Variants in TCF7L2 observed in about 807,000 individuals in gnomAD.
TCF7L2 encodes transcription factor 7-like 2.
Under a neutral mutation model 77.9 loss-of-function variants are expected in TCF7L2, and 23 were observed. The ratio of observed to expected loss-of-function variants is 0.30; its 90% CI spans 0.21 to 0.42. The LOEUF is 0.42. Ranked by LOEUF, TCF7L2 falls within the 10% of genes least tolerant of loss-of-function variation. The pLI is 1.00. For synonymous variants in TCF7L2, 413 were observed against 340.2 expected, an observed-to-expected ratio of 1.21 and a Z score of -2.36; for missense variants, 654 against 793.1, an observed-to-expected ratio of 0.82 and a Z score of 2.11.
intron 4 of TCF7L2, among the ~76,000 whole-genome samples, chr10:112,969,595 G>C (rs1433081560): frequency 6.6e-6 from 1 of 152,228 alleles, no homozygotes; most frequent in Non-Finnish European, 1.5e-5. Flanking sequence ...TATTGTCATT[G>C]CAACAGGGCC....
At chr10:113,162,524 C>T (rs1289739821) in intron 13 of TCF7L2, among the ~76,000 whole-genome samples, 3 of 152,052 alleles carry the variant, frequency 2.0e-5, no homozygotes, top group Non-Finnish European at 4.4e-5. Context: ...ATCTGCCAAC[C>T]GAAAACCTTT....
chr10:113,035,420 G>A (rs760153042), intron 4 of TCF7L2, among the ~76,000 whole-genome samples: 4 of 152,096 alleles, frequency 2.6e-5, no homozygotes, highest in Non-Finnish European at 5.9e-5. Flanking sequence ...GCTTTTTTCT[G>A]GCCAGTGAGT....
intron 5 of TCF7L2, among the ~76,000 whole-genome samples, chr10:113,087,301 C>A (rs1303357472): frequency 6.6e-6 from 1 of 152,238 alleles, no homozygotes; most frequent in Non-Finnish European, 1.5e-5. Flanking sequence ...GGATACATTT[C>A]TTTCCCAACG....
intron 13 of TCF7L2, among the ~76,000 whole-genome samples, chr10:113,162,421 C>G (rs1007396024): frequency 3.3e-5 from 5 of 152,012 alleles, no homozygotes; most frequent in Non-Finnish European, 5.9e-5. Flanking sequence ...CCCAAACATG[C>G]ATCCCCCATT....
intron 5 of TCF7L2, among the ~76,000 whole-genome samples, chr10:113,102,137 AAAAAAGTG>A (rs2061731725): frequency 6.7e-6 from 1 of 148,854 alleles, no homozygotes; most frequent in African/African-American, 2.5e-5. Flanking sequence ...AAAAAAAAAA[AAAAAAGTG>A]AGAAAGAATG....
intron 4 of TCF7L2, among the ~76,000 whole-genome samples, chr10:113,008,330 G>A (rs142712682): frequency 2.6e-5 from 4 of 152,214 alleles, no homozygotes; most frequent in African/African-American, 9.6e-5. Flanking sequence ...CCTGGTCAGT[G>A]TCCAGCATCG....
At chr10:113,138,436 C>T (rs1412490153) in intron 5 of TCF7L2, among the ~76,000 whole-genome samples, 1 of 152,096 alleles carries the variant, frequency 6.6e-6, no homozygotes, top group African/African-American at 2.4e-5. Flanking sequence ...AAATCTCACA[C>T]TCAGTTAACT....
intron 4 of TCF7L2, among the ~76,000 whole-genome samples, chr10:113,005,540 A>G (rs2133449401): frequency 6.6e-6 from 1 of 152,288 alleles, no homozygotes; most frequent in African/African-American, 2.4e-5. Context: ...ACCCCTTAGC[A>G]GAGCCCAGTG....
chr10:112,965,676 T>G (rs1031639957), intron 4 of TCF7L2, among the ~76,000 whole-genome samples: 1 of 145,160 alleles, frequency 6.9e-6, no homozygotes, highest in Admixed American at 7.0e-5. Flanking sequence ...TGTGTGTGTG[T>G]GGTCTTAGGT....
At chr10:112,975,663 G>T (rs2039280849) in intron 4 of TCF7L2, among the ~76,000 whole-genome samples, 1 of 152,060 alleles carries the variant, frequency 6.6e-6, no homozygotes, top group Non-Finnish European at 1.5e-5. Flanking sequence ...TGTATTTTCA[G>T]TAGAGATGAG....
At chr10:113,055,149 C>T (rs1295405827) in intron 5 of TCF7L2, among the ~76,000 whole-genome samples, 2 of 152,202 alleles carry the variant, frequency 1.3e-5, no homozygotes, top group Non-Finnish European at 2.9e-5. Flanking sequence ...ATTGGTAGGG[C>T]ATTGGTTTGC....
rs539635479 is a variant in TCF7L2 at position 112,951,562 on chromosome 10, G to A, written c.336G>A (p.Thr112=). The A allele has an allele frequency of 2.9e-6, 4 of 1,395,190 alleles. No homozygotes were observed. Among genetic ancestry groups the A allele is most frequent in the East Asian group, 3.8e-5 (1 of 26,558 alleles). 86.4% of individuals were successfully genotyped at this position (1,395,190 alleles called of 1,614,324 possible). The change falls in exon 3 of 14, where the codon ACG becomes ACA. Residue 112 remains threonine (T), a synonymous_variant. Transcript: ENST00000627217. ...CCTTCATCATGATCCCCGACCTGAC[G>A]AGCCCCTACCTCCCCAACGGATCGC... is the stretch of plus-strand genomic sequence containing the variant.
intron 4 of TCF7L2, among the ~76,000 whole-genome samples, chr10:112,979,183 G>A (rs2040008216): frequency 6.6e-6 from 1 of 152,104 alleles, no homozygotes; most frequent in Non-Finnish European, 1.5e-5. Flanking sequence ...TTAAAAGACT[G>A]GAGTGCATAA....
rs955767583 is a variant in TCF7L2, at chr10:112,998,006, A to C, written c.450+33382A>C. Among the ~76,000 whole-genome samples the C allele has an allele frequency of 2.6e-5, 4 of 152,150 alleles. No homozygotes were observed. The East Asian group carries it at 5.8e-4, about 22-fold the overall frequency. The stretch of plus-strand genomic sequence containing the variant: ...GACAGTAAAACAAAAAACAAAAAAA[A>C]GGTGTGGGGGTATATGGTATCCCTG... On this transcript the variant is annotated intron_variant, in intron 4 of 13. Coordinates refer to ENST00000627217, the MANE Select transcript of TCF7L2 (RefSeq NM_001146274.2).
At chr10:113,118,668 T>G (rs1179941614) in intron 5 of TCF7L2, among the ~76,000 whole-genome samples, 322 of 8,084 alleles carry the variant, frequency 0.04, 3 homozygotes, top group Non-Finnish European at 0.069. Flanking sequence ...TTTTTTGTTT[T>G]TTTTTTTTTG....
intron 3 of TCF7L2, 98 bp downstream of exon 3, chr10:112,951,705 C>CCCCTCCCCGCCTCCTCCCCT (rs2031466355): frequency 1.7e-6 from 1 of 595,346 alleles, no homozygotes; most frequent in African/African-American, 2.1e-5. Flanking sequence ...TCCCCGCCTC[C>CCCCTCCCCGCCTCCTCCCCT]CCCTCCCCGC....
chr10:113,131,466 G>A lies in TCF7L2; in HGVS notation c.553-9718G>A, dbSNP rs571137500. Among the ~76,000 whole-genome samples, 21 of 152,306 alleles carry A rather than the reference G, an allele frequency of 1.4e-4. No homozygotes were observed. The East Asian group carries it at 4.1e-3, about 29-fold the overall frequency. On this transcript the variant is annotated intron_variant, in intron 5 of 13. Transcript: ENST00000627217. Reference sequence around the variant, plus strand: ...TTGCAAATGTGTATGTTGTGTTACTGCAAATATCACACCCAGTACAGTCTC... The same window carrying A: ...TTGCAAATGTGTATGTTGTGTTACTACAAATATCACACCCAGTACAGTCTC...
intron 5 of TCF7L2, among the ~76,000 whole-genome samples, chr10:113,111,176 G>A (rs765871530): frequency 6.6e-6 from 1 of 152,028 alleles, no homozygotes; most frequent in Non-Finnish European, 1.5e-5. Flanking sequence ...TCATAGAACT[G>A]GTTTCTGTTA....
intron 5 of TCF7L2, among the ~76,000 whole-genome samples, chr10:113,040,646 A>G (rs748673321): frequency 2.0e-5 from 3 of 152,206 alleles, no homozygotes; most frequent in Non-Finnish European, 1.5e-5. Context: ...TGAACTTTGA[A>G]AGGCTAAAAT....
Sources: allele counts gnomAD v4.1 joint callset (sites outside exome capture counted in the v4.1 genomes callset), GRCh38; gene constraint gnomAD v4.1.1; transcripts MANE v1.5; gene names NCBI Gene and HGNC (gene_info 2026-07-23, HGNC 2026-07-21).